The following CDH8 variants were observed in gnomAD, a reference collection of about 807,000 sequenced individuals.
CDH8 encodes the protein cadherin 8.
In CDH8, 17 loss-of-function variants were observed where a neutral mutation model predicts 68.1. That is an observed-to-expected ratio of 0.25 (90% confidence interval 0.17 to 0.37). CDH8 has a LOEUF of 0.37. Ranked by LOEUF, CDH8 falls within the 10% of genes least tolerant of loss-of-function variation. The probability of loss-of-function intolerance (pLI) is 1.00; values close to 1 mark genes in which losing one functional copy is unlikely to be tolerated. For missense variants in CDH8, 763 were observed against 999.3 expected, an observed-to-expected ratio of 0.76 and a Z score of 3.19; for synonymous variants, 372 against 365.1, an observed-to-expected ratio of 1.02 and a Z score of -0.21.
chr16:61,972,478 C>T (rs906964579), intron 2 of CDH8, among the ~76,000 whole-genome samples: 4 of 151,678 alleles, frequency 2.6e-5, no homozygotes, highest in African/African-American at 4.8e-5. Context: ...TGGATAGAGT[C>T]GTGTTGAGAT....
Position 61,682,169 on chromosome 16 carries a change from A to G in CDH8, c.1655-26448T>C, listed in dbSNP as rs993406657. ...CTAAGCCAATGTTTCAAGTAGAGTT[A>G]TAGCATTTTCCTTTTATAATAAGTC... On this transcript the variant is annotated intron_variant, in intron 10 of 11. Coordinates refer to ENST00000577390, the MANE Select transcript of CDH8 (RefSeq NM_001796.5). Among the ~76,000 whole-genome samples the G allele has an allele frequency of 1.5e-4, 23 of 152,008 alleles. 1 individual carries two copies. The highest frequency in any genetic ancestry group is 5.3e-4 in the African/African-American group (22 of 41,432).
intron 1 of CDH8, among the ~76,000 whole-genome samples, chr16:62,031,044 A>G (rs1902313154): frequency 6.6e-6 from 1 of 152,186 alleles, no homozygotes; most frequent in African/African-American, 2.4e-5. Flanking sequence ...TACATTCTCA[A>G]CAATGTACAG....
chr16:61,981,292 A>G (rs1443566955), intron 2 of CDH8, among the ~76,000 whole-genome samples: 1 of 152,202 alleles, frequency 6.6e-6, no homozygotes, highest in Non-Finnish European at 1.5e-5. Flanking sequence ...TATGATAATT[A>G]TCCACAATAT....
chr16:62,010,776 TA>T (rs968266532), intron 2 of CDH8, among the ~76,000 whole-genome samples: 1 of 151,452 alleles, frequency 6.6e-6, no homozygotes, highest in Non-Finnish European at 1.5e-5. Context: ...CGATCTCTAC[TA>T]AAAATACAAA....
chr16:61,792,499 A>G (rs1406624629), intron 7 of CDH8, among the ~76,000 whole-genome samples: 1 of 151,994 alleles, frequency 6.6e-6, no homozygotes. Context: ...TTTGGTCAAC[A>G]AGCATGCATG....
chr16:61,912,027 T>C (rs1177151936), intron 2 of CDH8, among the ~76,000 whole-genome samples: 2 of 152,016 alleles, frequency 1.3e-5, no homozygotes, highest in South Asian at 2.1e-4. Context: ...AAATATGAGA[T>C]AGATTTCTCA....
At chr16:61,791,211 A>G (rs1961369380) in intron 7 of CDH8, among the ~76,000 whole-genome samples, 1 of 151,986 alleles carries the variant, frequency 6.6e-6, no homozygotes, top group South Asian at 2.1e-4. Context: ...CCCAATCCCC[A>G]GGATAATTGA....
Position 62,021,501 on chromosome 16 carries a change from T to C in CDH8, c.-98A>G, listed in dbSNP as rs554614920. On this transcript the variant is annotated 5_prime_UTR_variant, in exon 2 of 12. The change abolishes the stop of an existing upstream ORF in the 5' untranslated region. Transcript: ENST00000577390. ...AATTCATCATGCAGTGCCGAGCATT[T>C]ACTTACAGCTCTGCCACGTGTCTAT... is the stretch of plus-strand genomic sequence containing the variant. 4.0e-6 allele frequency: 6 copies of C among 1,510,882 alleles called. No homozygotes were observed. Among genetic ancestry groups the C allele is most frequent in the Middle Eastern group, 4.2e-4 (2 of 4,812 alleles). 93.6% of individuals were successfully genotyped at this position (1,510,882 alleles called of 1,614,324 possible). A position where few individuals can be genotyped will look rare whatever the true frequency, so the allele number is the denominator to read the frequency against.
At chr16:61,855,753 T>A (rs969218909) in intron 4 of CDH8, among the ~76,000 whole-genome samples, 1 of 152,094 alleles carries the variant, frequency 6.6e-6, no homozygotes, top group African/African-American at 2.4e-5. Context: ...GACATTAGTA[T>A]CGAAATAAAA....
chr16:61,830,295 T>C (rs1193277081), intron 4 of CDH8, among the ~76,000 whole-genome samples: 1 of 151,760 alleles, frequency 6.6e-6, no homozygotes, highest in East Asian at 1.9e-4. Flanking sequence ...GCACAAAATA[T>C]AGTAATTAGG....
intron 8 of CDH8, among the ~76,000 whole-genome samples, chr16:61,741,548 T>G (rs78926936): frequency 0.028 from 4,261 of 152,252 alleles, 191 homozygotes; most frequent in African/African-American, 0.093. Context: ...ATTATTTATA[T>G]TGACGGTTGG....
chr16:61,818,686 T>C (rs188155448), intron 6 of CDH8, among the ~76,000 whole-genome samples: 11 of 152,294 alleles, frequency 7.2e-5, no homozygotes, highest in Non-Finnish European at 1.6e-4. Context: ...TTTTGGCAAC[T>C]CATAATACTT....
At chr16:61,943,352 C>T (rs931238801) in intron 2 of CDH8, among the ~76,000 whole-genome samples, 3 of 152,102 alleles carry the variant, frequency 2.0e-5, no homozygotes, top group African/African-American at 7.2e-5. Context: ...AGAGAACAAA[C>T]GAATGTAAAC....
chr16:61,898,439 C>T (rs1035261846), intron 3 of CDH8, among the ~76,000 whole-genome samples: 4 of 151,890 alleles, frequency 2.6e-5, no homozygotes, highest in African/African-American at 9.7e-5. Context: ...GATTTGCTGC[C>T]GAATGGGTGT....
At chr16:61,897,977 T>C (rs1005546788) in intron 3 of CDH8, among the ~76,000 whole-genome samples, 6 of 152,044 alleles carry the variant, frequency 3.9e-5, no homozygotes, top group African/African-American at 1.4e-4. Context: ...GACATTTTCC[T>C]AGGAAAAGTG....
chr16:61,904,582 T>A (rs1436976583), intron 2 of CDH8, among the ~76,000 whole-genome samples: 1 of 152,206 alleles, frequency 6.6e-6, no homozygotes, highest in East Asian at 1.9e-4. Context: ...AAAATGATTT[T>A]AAAAGAAAGG....
intron 11 of CDH8, among the ~76,000 whole-genome samples, chr16:61,654,996 T>C (rs1373822516): frequency 2.0e-5 from 3 of 152,234 alleles, no homozygotes; most frequent in African/African-American, 7.2e-5. Flanking sequence ...AATGCAATGG[T>C]ATTTTGAAGA....
rs191151563 is a variant in CDH8, at chr16:61,668,837, A to C, written c.1655-13116T>G. Among the ~76,000 whole-genome samples the C allele has an allele frequency of 2.0e-5, 3 of 152,152 alleles. No individual in the cohort carries two copies. In the East Asian group the frequency reaches 5.8e-4, roughly 29 times the overall value. ...ATTGAATAGGTGCCTCTAAATATTTAAGAAACTGGAAAAAGACAGATTAAT... is the reference window on the plus strand; with the variant it reads ...ATTGAATAGGTGCCTCTAAATATTTCAGAAACTGGAAAAAGACAGATTAAT... On this transcript the variant is annotated intron_variant, in intron 10 of 11. Transcript: ENST00000577390.
At chr16:61,929,401 A>G (rs937096710) in intron 2 of CDH8, among the ~76,000 whole-genome samples, 17 of 152,118 alleles carry the variant, frequency 1.1e-4, no homozygotes, top group African/African-American at 3.4e-4. Flanking sequence ...TCTGACTACA[A>G]AAGGTTTGGG....
Sources: gnomAD v4.1 joint callset for allele counts (sites outside exome capture counted in the v4.1 genomes callset) on GRCh38, gnomAD v4.1.1 for gene constraint, MANE v1.5 for transcripts, NCBI Gene and HGNC (gene_info 2026-07-23, HGNC 2026-07-21) for gene names.